Variants in ITPR1 observed in about 807,000 individuals in gnomAD.
The protein encoded by ITPR1 is inositol 1,4,5-trisphosphate receptor type 1.
Under a neutral mutation model 318.4 loss-of-function variants are expected in ITPR1, and 96 were observed. The observed-to-expected ratio is 0.30, with a 90% CI of 0.26 to 0.36. The LOEUF is 0.36. Ranked by LOEUF, ITPR1 falls within the 10% of genes least tolerant of loss-of-function variation. ITPR1 has a pLI of 1.00. For missense variants in ITPR1, 2,440 were observed against 3,460.2 expected (o/e 0.71, Z 7.40); for synonymous variants, 1,312 against 1,289.9 (o/e 1.02, Z -0.37).
chr3:4,500,230 T>C (rs1392310141), intron 2 of ITPR1, among the ~76,000 whole-genome samples: 2 of 152,224 alleles, frequency 1.3e-5, no homozygotes, highest in Non-Finnish European at 2.9e-5. Context: ...GACAGAGTCT[T>C]ACTCTGCTGC....
intron 7 of ITPR1, among the ~76,000 whole-genome samples, chr3:4,643,124 C>A (rs573810806): frequency 3.3e-5 from 5 of 152,244 alleles, no homozygotes; most frequent in African/African-American, 1.2e-4. Flanking sequence ...CCAGACCATT[C>A]CCTCATAGTT....
At chr3:4,765,900 T>C (rs1043613301) in intron 44 of ITPR1, among the ~76,000 whole-genome samples, 4 of 152,344 alleles carry the variant, frequency 2.6e-5, no homozygotes, top group African/African-American at 9.6e-5. Context: ...TTACCTGTCC[T>C]TTGAAGCCTG....
rs562868717 is a variant in ITPR1 at position 4,801,223 on chromosome 3, A to G, written c.7107+623A>G. Among the ~76,000 whole-genome samples the G allele has an allele frequency of 2.6e-5, 4 of 152,292 alleles. No individual in the cohort carries two copies. The East Asian group carries it at 7.7e-4, about 29-fold the overall frequency. ...GTTTCCTTGTGAAGGGAAGGAGAAA[A>G]TTTGGACATGTGAGGCACTGGAGGA... On this transcript the variant is annotated intron_variant, in intron 54 of 61. Transcript: ENST00000649015.
At chr3:4,650,606 AGTGT>A (rs1177734281) in intron 10 of ITPR1, among the ~76,000 whole-genome samples, 2,756 of 137,346 alleles carry the variant, frequency 0.02, 97 homozygotes, top group African/African-American at 0.075. Flanking sequence ...GATATGCCTT[AGTGT>A]GTGTGTGTGT....
intron 38 of ITPR1, 180 bp from the exon 39 acceptor site, chr3:4,711,577 T>C (rs893839507): frequency 1.0e-5 from 6 of 575,088 alleles, no homozygotes; most frequent in African/African-American, 7.5e-5. Context: ...GGTGTCACTA[T>C]TGAGACACAG....
Position 4,775,374 on chromosome 3 carries a change from G to A in ITPR1, c.6112G>A (p.Val2038Ile), listed in dbSNP as rs779221835. The change falls in exon 47 of 62, where the codon GTA (valine) becomes ATA (isoleucine). Residue 2038 changes from valine to isoleucine, a missense_variant. Val to Ile is a conservative substitution (Grantham distance 29). Coordinates refer to ENST00000649015, the MANE Select transcript of ITPR1 (RefSeq NM_001378452.1). ...GGGCTTGTATATAAATGAAAAGAATGTAGCGCTTATCAACCAAACCCTGGA... is the reference window on the plus strand; with the variant it reads ...GGGCTTGTATATAAATGAAAAGAATATAGCGCTTATCAACCAAACCCTGGA... ...LLGLYINEKNVALINQTLESL... is the reference protein window; with the variant it reads ...LLGLYINEKNIALINQTLESL... 8.7e-6 allele frequency: 14 copies of A among 1,613,570 alleles called. No individual in the cohort carries two copies. Among genetic ancestry groups the A allele is most frequent in the Admixed American group, 1.7e-5 (1 of 60,020 alleles).
At chr3:4,653,952 AT>A in intron 12 of ITPR1, 66 bp downstream of exon 12, 1 of 1,169,412 alleles carries the variant, frequency 8.6e-7, no homozygotes, top group Non-Finnish European at 1.3e-6. Flanking sequence ...CTGGAGCTCC[AT>A]TTAAGAAACT....
At chr3:4,552,421 C>T (rs1237603111) in intron 4 of ITPR1, among the ~76,000 whole-genome samples, 1 of 152,162 alleles carries the variant, frequency 6.6e-6, no homozygotes, top group African/African-American at 2.4e-5. Flanking sequence ...GAGTGGCTCA[C>T]ACAACTCAGG....
chr3:4,601,707 A>T (rs932609234), intron 4 of ITPR1, among the ~76,000 whole-genome samples: 1 of 152,232 alleles, frequency 6.6e-6, no homozygotes, highest in African/African-American at 2.4e-5. Context: ...GATAAATTGC[A>T]CTTCGTCAAA....
rs58471695 is a variant in ITPR1, at chr3:4,531,315, T to C, written c.163+10221T>C. ...TTGGAGGCTAGGTCTCCATTCGATA[T>C]TGAATGATGACGTTTTAGATTAGCT... is the stretch of plus-strand genomic sequence containing the variant. On this transcript the variant is annotated intron_variant, in intron 4 of 61. Coordinates refer to ENST00000649015, the MANE Select transcript of ITPR1 (RefSeq NM_001378452.1). Among the ~76,000 whole-genome samples the C allele has an allele frequency of 9.6e-3, 1,456 of 152,322 alleles. 15 individuals carry two copies. Among genetic ancestry groups the C allele is most frequent in the African/African-American group, 0.034 (1,399 of 41,562 alleles).
intron 4 of ITPR1, among the ~76,000 whole-genome samples, chr3:4,605,774 C>G (rs182180473): frequency 4.5e-4 from 68 of 152,300 alleles, no homozygotes; most frequent in African/African-American, 1.5e-3. Flanking sequence ...CAGCTTTCAG[C>G]ATCTATCGCT....
chr3:4,498,351 G>T (rs1476262020), intron 2 of ITPR1, among the ~76,000 whole-genome samples: 1 of 152,190 alleles, frequency 6.6e-6, no homozygotes, highest in Non-Finnish European at 1.5e-5. Flanking sequence ...GGGAAAAAGT[G>T]TGTTCCAAAT....
intron 44 of ITPR1, among the ~76,000 whole-genome samples, chr3:4,740,019 A>G (rs1329049263): frequency 6.6e-6 from 1 of 152,248 alleles, no homozygotes; most frequent in Non-Finnish European, 1.5e-5. Flanking sequence ...GCCTGGGTTT[A>G]GAATTCCTAG....
chr3:4,716,248 A>G (rs1559758954), intron 39 of ITPR1, among the ~76,000 whole-genome samples: 1 of 152,196 alleles, frequency 6.6e-6, no homozygotes, highest in Non-Finnish European at 1.5e-5. Flanking sequence ...ATAGCTCTAA[A>G]ATTTAATCTG....
chr3:4,685,840 C>G (rs1188114321), intron 30 of ITPR1, among the ~76,000 whole-genome samples: 3 of 152,184 alleles, frequency 2.0e-5, no homozygotes, highest in African/African-American at 7.2e-5. Flanking sequence ...TCATTCAAGC[C>G]TACAAGACCC....
At chr3:4,528,581 C>G (rs1220866655) in intron 4 of ITPR1, among the ~76,000 whole-genome samples, 1 of 152,150 alleles carries the variant, frequency 6.6e-6, no homozygotes, top group Non-Finnish European at 1.5e-5. Context: ...TTTAAATACC[C>G]TCATGCAAAG....
At chr3:4,579,462 G>A (rs150455990) in intron 4 of ITPR1, among the ~76,000 whole-genome samples, 8 of 152,262 alleles carry the variant, frequency 5.3e-5, no homozygotes, top group African/African-American at 1.7e-4. Flanking sequence ...GTATGATATA[G>A]ATTCTGTAAC....
Position 4,779,833 on chromosome 3 carries a change from C to T in ITPR1, c.6387+188C>T, listed in dbSNP as rs555956027. ...ATTTTGGTTGGTGCAAAAGTAATCG[C>T]GGTTTTTGCTATTACTTTCAATGGC... On this transcript the variant is annotated intron_variant, in intron 49 of 61. Coordinates refer to ENST00000649015, the MANE Select transcript of ITPR1 (RefSeq NM_001378452.1). The surrounding 1 kb of genome is among the most constrained non-coding windows in gnomAD (Gnocchi z 4.0). Among the ~76,000 whole-genome samples, 31 of 148,144 alleles carry T rather than the reference C, an allele frequency of 2.1e-4. No individual in the cohort carries two copies. Among genetic ancestry groups the T allele is most frequent in the African/African-American group, 7.2e-4 (29 of 40,508 alleles).
chr3:4,781,126 G>A (rs961896733), intron 49 of ITPR1, among the ~76,000 whole-genome samples: 30 of 152,364 alleles, frequency 2.0e-4, no homozygotes, highest in African/African-American at 6.3e-4. Context: ...AATTGGCAGG[G>A]AAACAAGCTC....
Sources: gnomAD v4.1 joint callset for allele counts (sites outside exome capture counted in the v4.1 genomes callset) on GRCh38, gnomAD v4.1.1 for gene constraint, Gnocchi (gnomAD v3.1) non-coding constraint, MANE v1.5 for transcripts, NCBI Gene and HGNC (gene_info 2026-07-23, HGNC 2026-07-21) for gene names.